Variants in CSNK1A1 observed in about 807,000 individuals in gnomAD.
CSNK1A1 encodes casein kinase I isoform alpha.
In CSNK1A1, 7 loss-of-function variants were observed where a neutral mutation model predicts 46.1. The observed-to-expected ratio is 0.15, with a 90% CI of 0.09 to 0.29. The LOEUF is 0.29. CSNK1A1 is among the 10% of genes least tolerant of loss of function. The probability of loss-of-function intolerance (pLI) is 1.00; values close to 1 mark genes in which losing one functional copy is unlikely to be tolerated. For missense variants in CSNK1A1, 96 were observed against 417.1 expected, an observed-to-expected ratio of 0.23 and a Z score of 6.71; for synonymous variants, 137 against 141.5, an observed-to-expected ratio of 0.97 and a Z score of 0.23.
intron 2 of CSNK1A1, among the ~76,000 whole-genome samples, chr5:149,527,285 G>A (rs181694106): frequency 1.2e-4 from 18 of 152,018 alleles, no homozygotes; most frequent in Non-Finnish European, 1.8e-4. Context: ...CTGCCACCAC[G>A]CCCAGCTAAT....
At chr5:149,499,084 G>T (rs1317096852) in intron 9 of CSNK1A1, 5 of 985,216 alleles carry the variant, frequency 5.1e-6, no homozygotes, top group Non-Finnish European at 6.0e-6. Context: ...ATTGTCCTAA[G>T]ATGTTACTGA....
chr5:149,516,321 C>T lies in CSNK1A1; in HGVS notation c.457-3112G>A, dbSNP rs187308630. ...CCTGGGCAACAGAGTGAAACCCCGTCTCAAAACAAAACAAAAAAACCCCCC... is the reference window on the plus strand; with the variant it reads ...CCTGGGCAACAGAGTGAAACCCCGTTTCAAAACAAAACAAAAAAACCCCCC... On this transcript the variant is annotated intron_variant, in intron 4 of 9. Transcript: ENST00000377843. Among the ~76,000 whole-genome samples, 272 of 147,730 alleles carry T rather than the reference C, an allele frequency of 1.8e-3. 2 individuals carry two copies. The highest frequency in any genetic ancestry group is 1.5e-3 in the Non-Finnish European group (99 of 67,612).
At chr5:149,537,831 G>A (rs1762108418) in intron 2 of CSNK1A1, among the ~76,000 whole-genome samples, 1 of 149,892 alleles carries the variant, frequency 6.7e-6, no homozygotes, top group African/African-American at 2.5e-5. Context: ...GTACTGTTTG[G>A]GGCTCATCTC....
chr5:149,506,938 C>T, intron 8 of CSNK1A1, 89 bp downstream of exon 8: 1 of 976,634 alleles, frequency 1.0e-6, no homozygotes, highest in Non-Finnish European at 1.5e-6. Flanking sequence ...ATCTGCTTTA[C>T]TTTAGTATTT....
chr5:149,515,470 A>G (rs879378145), intron 4 of CSNK1A1, among the ~76,000 whole-genome samples: 4 of 152,232 alleles, frequency 2.6e-5, no homozygotes, highest in Non-Finnish European at 4.4e-5. Flanking sequence ...ATATGTAAAC[A>G]CGATCTTCTT....
chr5:149,499,879 TAA>T (rs1298621936), intron 9 of CSNK1A1, among the ~76,000 whole-genome samples: 3 of 152,096 alleles, frequency 2.0e-5, no homozygotes, highest in African/African-American at 7.2e-5. Flanking sequence ...GACAACTTTT[TAA>T]AAGTTATTTT....
rs764800978 is a variant in CSNK1A1, at chr5:149,496,815, G to C, written c.*38C>G. 126 of 1,556,140 alleles carry C rather than the reference G, an allele frequency of 8.1e-5. 1 individual carries two copies. Among genetic ancestry groups the C allele is most frequent in the Non-Finnish European group, 1.7e-5 (20 of 1,151,288 alleles). ...TTTGGGGAGAAACAAATGCTGCTCC[G>C]ATCATCTGCTCTGCTTCTTCTGTTC... On this transcript the variant is annotated 3_prime_UTR_variant, in exon 10 of 10. Coordinates refer to ENST00000377843, the MANE Select transcript of CSNK1A1 (RefSeq NM_001892.6).
At chr5:149,542,599 TA>T (rs1762275738) in intron 2 of CSNK1A1, among the ~76,000 whole-genome samples, 4 of 4,458 alleles carry the variant, frequency 9.0e-4, no homozygotes, top group African/African-American at 6.7e-3. Flanking sequence ...AATTTATATA[TA>T]TATATATATA....
intron 2 of CSNK1A1, among the ~76,000 whole-genome samples, chr5:149,548,208 C>T (rs774412385): frequency 6.6e-6 from 1 of 152,008 alleles, no homozygotes; most frequent in East Asian, 1.9e-4. Flanking sequence ...TGAGTTGTTT[C>T]CATGTAAAGA....
At chr5:149,522,974 CA>C (rs1761616551) in intron 3 of CSNK1A1, among the ~76,000 whole-genome samples, 1 of 151,164 alleles carries the variant, frequency 6.6e-6, no homozygotes, top group Admixed American at 6.6e-5. Context: ...TGTTACTGAA[CA>C]AACAAAAACA....
chr5:149,546,524 T>G (rs1762488075), intron 2 of CSNK1A1, among the ~76,000 whole-genome samples: 1 of 151,592 alleles, frequency 6.6e-6, no homozygotes, highest in African/African-American at 2.4e-5. Context: ...TCCCAGCTAC[T>G]CAGGAGGCTA....
chr5:149,500,020 G>T (rs192565758), intron 9 of CSNK1A1, among the ~76,000 whole-genome samples: 134 of 138,124 alleles, frequency 9.7e-4, no homozygotes, highest in African/African-American at 3.5e-3. Flanking sequence ...CCAGGCTGGA[G>T]TACAATGGCG....
rs559453953 is a variant in CSNK1A1 at position 149,501,653 on chromosome 5, AGAT to A, written c.1006+3791_1006+3793del. The A allele has an allele frequency of 5.9e-4, 577 of 985,382 alleles. 4 individuals are homozygous for A. In the African/African-American group the frequency reaches 9.7e-3, roughly 16 times the overall value. 61.0% of individuals were successfully genotyped at this position (985,382 alleles called of 1,614,324 possible). On this transcript the variant is annotated intron_variant, in intron 9 of 9. Coordinates refer to ENST00000377843, the MANE Select transcript of CSNK1A1 (RefSeq NM_001892.6). ...GTTAGGGTAGTAAACAGATGGGTTA[AGAT>A]GATGAGAGTACAGAATAGTAGAATT... is the stretch of plus-strand genomic sequence containing the variant.
In CSNK1A1 at chr5:149,517,473, T is replaced by A. The variant is rs1001427790; in HGVS notation, c.456+2817A>T. On this transcript the variant is annotated intron_variant, in intron 4 of 9. Coordinates refer to ENST00000377843, the MANE Select transcript of CSNK1A1 (RefSeq NM_001892.6). The surrounding 1 kb of genome is among the most constrained non-coding windows in gnomAD (Gnocchi z 4.4). ...TAAATTTTTAAAAACTAACGATCTA[T>A]CTCAAGTTTACTATTAGGTAAACAA... Among the ~76,000 whole-genome samples, 3 of 152,196 alleles carry A rather than the reference T, an allele frequency of 2.0e-5. No individual in the cohort carries two copies. Among genetic ancestry groups the A allele is most frequent in the Non-Finnish European group, 4.4e-5 (3 of 68,030 alleles).
At chr5:149,501,781 G>A in intron 9 of CSNK1A1, 1 of 982,434 alleles carries the variant, frequency 1.0e-6, no homozygotes, top group Non-Finnish European at 1.2e-6. Context: ...GATTTTGAAT[G>A]TCCTAAAAAT....
intron 2 of CSNK1A1, among the ~76,000 whole-genome samples, chr5:149,534,560 G>T (rs931147724): frequency 1.3e-5 from 2 of 151,174 alleles, no homozygotes; most frequent in Non-Finnish European, 2.9e-5. Flanking sequence ...AAGATGCCTG[G>T]ATTATTGTAT....
chr5:149,550,420 G>C lies in CSNK1A1; in HGVS notation c.124-239C>G, dbSNP rs2113214741. 8.1e-7 allele frequency: 1 copy of C among 1,241,744 alleles called. No individual in the cohort carries two copies. Among genetic ancestry groups the C allele is most frequent in the Non-Finnish European group, 1.0e-6 (1 of 965,394 alleles). 76.9% of individuals were successfully genotyped at this position (1,241,744 alleles called of 1,614,324 possible). ...AGGAAAATGATTCATCCAGAAAAAAGAGGCAACCTCTGAACGTAGTGAGAG... is the reference window on the plus strand; with the variant it reads ...AGGAAAATGATTCATCCAGAAAAAACAGGCAACCTCTGAACGTAGTGAGAG... On this transcript the variant is annotated intron_variant, in intron 1 of 9. Coordinates refer to ENST00000377843, the MANE Select transcript of CSNK1A1 (RefSeq NM_001892.6). This position sits in a 1 kb window ranked among gnomAD's most constrained non-coding sequence, Gnocchi z 4.3.
At chr5:149,504,904 T>A in intron 9 of CSNK1A1, 1 of 985,520 alleles carries the variant, frequency 1.0e-6, no homozygotes, top group Non-Finnish European at 1.2e-6. Flanking sequence ...GCTCTGCAAC[T>A]GAGAAGATAG....
At chr5:149,530,030 T>C (rs1490912426) in intron 2 of CSNK1A1, among the ~76,000 whole-genome samples, 1 of 152,218 alleles carries the variant, frequency 6.6e-6, no homozygotes, top group African/African-American at 2.4e-5. Context: ...GTGTAATTAT[T>C]GTAATATGCA....
Sources: allele counts gnomAD v4.1 joint callset (sites outside exome capture counted in the v4.1 genomes callset), GRCh38; gene constraint gnomAD v4.1.1; non-coding constraint Gnocchi (gnomAD v3.1); transcripts MANE v1.5; gene names NCBI Gene and HGNC (gene_info 2026-07-23, HGNC 2026-07-21).